MAGI2: variants seen among roughly 807,000 people sequenced by gnomAD.
MAGI2 encodes the protein membrane-associated guanylate kinase, WW and PDZ domain-containing protein 2.
MAGI2 carries 35 observed loss-of-function variants against 133.3 expected under a neutral mutation model. That is an observed-to-expected ratio of 0.26 (90% CI 0.20 to 0.35). The LOEUF is 0.35. MAGI2 is among the 10% of genes least tolerant of loss of function. MAGI2 has a pLI of 1.00. For synonymous variants in MAGI2, 729 were observed against 710.6 expected, an observed-to-expected ratio of 1.03 and a Z score of -0.41; for missense variants, 1,636 against 1,863.4, an observed-to-expected ratio of 0.88 and a Z score of 2.25.
intron 2 of MAGI2, among the ~76,000 whole-genome samples, chr7:78,667,131 T>G (rs915785251): frequency 6.6e-6 from 1 of 151,980 alleles, no homozygotes; most frequent in Non-Finnish European, 1.5e-5. Flanking sequence ...CCCCCAATAG[T>G]AACATCCTTC....
Position 79,127,509 on chromosome 7 carries a change from G to A in MAGI2, c.302-120303C>T, listed in dbSNP as rs1487415863. ...TTGCCATTCTAATTGGTGTGAGATG[G>A]TATCTCATTGTGGTTTTGATTTGCA... On this transcript the variant is annotated intron_variant, in intron 1 of 21. Coordinates refer to ENST00000354212, the MANE Select transcript of MAGI2 (RefSeq NM_012301.4). Among the ~76,000 whole-genome samples, 10 of 152,218 alleles carry A rather than the reference G, an allele frequency of 6.6e-5. No homozygotes were observed. In the South Asian group the frequency reaches 2.1e-3, roughly 32 times the overall value.
rs368757502 is a variant in MAGI2, at chr7:78,898,315, C to T, written c.418+108775G>A. ...ACCTGAAACAGAAATGCCAAATCAACGGAATGTAAATTGTTCTATCATAAA... is the reference window on the plus strand; with the variant it reads ...ACCTGAAACAGAAATGCCAAATCAATGGAATGTAAATTGTTCTATCATAAA... On this transcript the variant is annotated intron_variant, in intron 2 of 21. Transcript: ENST00000354212. Among the ~76,000 whole-genome samples, 24 of 152,062 alleles carry T rather than the reference C, an allele frequency of 1.6e-4. No homozygotes were observed. In the East Asian group the frequency reaches 2.7e-3, roughly 17 times the overall value.
chr7:78,419,267 C>A (rs1238026979), intron 6 of MAGI2, among the ~76,000 whole-genome samples: 2 of 152,048 alleles, frequency 1.3e-5, no homozygotes, highest in Non-Finnish European at 2.9e-5. Context: ...CCAAGAGGAA[C>A]CTTGGACAAA....
At chr7:78,615,533 C>T (rs1806984908) in intron 3 of MAGI2, 1 of 152,204 alleles carries the variant, frequency 6.6e-6, no homozygotes, top group African/African-American at 2.4e-5. Context: ...AGAAATCTTT[C>T]TGTTCCTATG....
intron 1 of MAGI2, among the ~76,000 whole-genome samples, chr7:79,390,936 C>T (rs1844553212): frequency 6.6e-6 from 1 of 152,048 alleles, no homozygotes; most frequent in Admixed American, 6.6e-5. Context: ...TGTGTAGAGG[C>T]TCATGGCCCA....
chr7:78,155,486 T>A (rs115465044), intron 16 of MAGI2, among the ~76,000 whole-genome samples: 1 of 152,156 alleles, frequency 6.6e-6, no homozygotes, highest in African/African-American at 2.4e-5. Flanking sequence ...TGGTGGTGCA[T>A]GGTGGTCTAA....
chr7:78,478,356 T>C (rs1791999692), intron 6 of MAGI2, among the ~76,000 whole-genome samples: 1 of 151,906 alleles, frequency 6.6e-6, no homozygotes, highest in Admixed American at 6.6e-5. Context: ...AAGCGTCTTG[T>C]GGTATTAAAT....
chr7:79,029,615 A>G (rs1395447458), intron 1 of MAGI2, among the ~76,000 whole-genome samples: 2 of 152,150 alleles, frequency 1.3e-5, no homozygotes, highest in African/African-American at 4.8e-5. Context: ...GCAGAATGTG[A>G]GGCTCAGAGT....
At chr7:78,416,611 A>G (rs998413993) in intron 6 of MAGI2, among the ~76,000 whole-genome samples, 2 of 152,178 alleles carry the variant, frequency 1.3e-5, no homozygotes, top group South Asian at 2.1e-4. Flanking sequence ...CAAATGAAGT[A>G]TAGTTGTAAA....
intron 9 of MAGI2, among the ~76,000 whole-genome samples, chr7:78,262,251 G>A (rs765452437): frequency 3.9e-5 from 6 of 152,142 alleles, no homozygotes; most frequent in Non-Finnish European, 8.8e-5. Flanking sequence ...CATGAAAGGT[G>A]TAACAGATGA....
intron 5 of MAGI2, among the ~76,000 whole-genome samples, chr7:78,491,192 G>A (rs939257863): frequency 6.6e-6 from 1 of 152,114 alleles, no homozygotes; most frequent in African/African-American, 2.4e-5. Context: ...AATCACAAGT[G>A]TGTAAAAACC....
intron 2 of MAGI2, among the ~76,000 whole-genome samples, chr7:78,767,115 G>A (rs369468558): frequency 2.5e-4 from 38 of 151,776 alleles, no homozygotes; most frequent in South Asian, 1.5e-3. Flanking sequence ...TCGGCCTCCC[G>A]AGTAGCTGGG....
At chr7:78,733,950 A>G (rs920000298) in intron 2 of MAGI2, among the ~76,000 whole-genome samples, 1 of 152,240 alleles carries the variant, frequency 6.6e-6, no homozygotes, top group African/African-American at 2.4e-5. Flanking sequence ...ACAAAATAGC[A>G]AAGAACAATA....
chr7:79,054,947 T>A (rs1170086923), intron 1 of MAGI2, among the ~76,000 whole-genome samples: 1 of 152,198 alleles, frequency 6.6e-6, no homozygotes, highest in African/African-American at 2.4e-5. Flanking sequence ...CACACCACCA[T>A]GACCAGCTAA....
intron 1 of MAGI2, among the ~76,000 whole-genome samples, chr7:79,279,950 G>A (rs1053217734): frequency 6.6e-6 from 1 of 152,156 alleles, no homozygotes; most frequent in Admixed American, 6.5e-5. Context: ...TTAAAGTGAT[G>A]ACATTGAATG....
intron 9 of MAGI2, among the ~76,000 whole-genome samples, chr7:78,268,824 T>A (rs1406669208): frequency 1.3e-5 from 2 of 152,200 alleles, no homozygotes; most frequent in Non-Finnish European, 2.9e-5. Flanking sequence ...CTGGGGTACA[T>A]GTGCAGAATG....
intron 9 of MAGI2, among the ~76,000 whole-genome samples, chr7:78,315,896 T>C (rs1787366602): frequency 6.6e-6 from 1 of 152,204 alleles, no homozygotes; most frequent in Non-Finnish European, 1.5e-5. Flanking sequence ...TTTCTCAGTA[T>C]TGATTTGCTT....
chr7:79,234,495 T>C (rs1431304898), intron 1 of MAGI2, among the ~76,000 whole-genome samples: 1 of 151,798 alleles, frequency 6.6e-6, no homozygotes, highest in Non-Finnish European at 1.5e-5. Context: ...TCTCATTTCT[T>C]TTTATTCTTT....
At chr7:78,864,083 A>C (rs1794361886) in intron 2 of MAGI2, among the ~76,000 whole-genome samples, 1 of 152,182 alleles carries the variant, frequency 6.6e-6, no homozygotes, top group South Asian at 2.1e-4. Context: ...GTTACACAAT[A>C]TATTTTTGTC....
Sources: allele counts gnomAD v4.1 joint callset (sites outside exome capture counted in the v4.1 genomes callset), GRCh38; gene constraint gnomAD v4.1.1; transcripts MANE v1.5; gene names NCBI Gene and HGNC (gene_info 2026-07-23, HGNC 2026-07-21).